VCAN: variants seen among roughly 807,000 people sequenced by gnomAD.
The protein encoded by VCAN is versican core protein.
In VCAN, 44 loss-of-function variants were observed where a neutral mutation model predicts 245.5. The observed-to-expected ratio is 0.18, with a 90% CI of 0.14 to 0.23. The LOEUF is 0.23. VCAN is among the 10% of genes least tolerant of loss of function. The pLI, the probability that VCAN is intolerant of heterozygous loss-of-function variation, is 1.00. For missense variants in VCAN, 3,793 were observed against 4,057.9 expected (o/e 0.93, Z 1.77); for synonymous variants, 1,413 against 1,437.0 (o/e 0.98, Z 0.38).
intron 5 of VCAN, among the ~76,000 whole-genome samples, chr5:83,508,135 C>T (rs984238667): frequency 6.6e-6 from 1 of 152,154 alleles, no homozygotes; most frequent in African/African-American, 2.4e-5. Flanking sequence ...TCACTTGCAG[C>T]CTTTGACATA....
intron 5 of VCAN, among the ~76,000 whole-genome samples, chr5:83,511,461 G>A (rs1425094374): frequency 6.6e-6 from 1 of 152,028 alleles, no homozygotes; most frequent in East Asian, 1.9e-4. Flanking sequence ...TGCAGGCCGC[G>A]ACCTTCGTAA....
At chr5:83,536,073 A>G (rs1746694260) in intron 7 of VCAN, 3 of 152,206 alleles carry the variant, frequency 2.0e-5, no homozygotes, top group South Asian at 4.1e-4. Context: ...AGAAAAGGCC[A>G]TTGAGCTTAG....
chr5:83,541,435 C>T lies in VCAN; in HGVS notation c.8432C>T (p.Thr2811Ile). 6.8e-6 allele frequency: 11 copies of T among 1,614,026 alleles called. No individual in the cohort carries two copies. The highest frequency in any genetic ancestry group is 9.3e-6 in the Non-Finnish European group (11 of 1,179,986). Reference protein sequence around the residue: ...GSNPPYYTDTTLAVSTFAKLS... With the variant: ...GSNPPYYTDTILAVSTFAKLS... ...AATCCCCCATATTACACTGATACAACATTAGCAGTTTCAACATTTGCGAAG... is the reference window on the plus strand; with the variant it reads ...AATCCCCCATATTACACTGATACAATATTAGCAGTTTCAACATTTGCGAAG... Residue 2811 changes from threonine to isoleucine, a missense_variant, in exon 8 of 15, where the codon ACA (threonine) becomes ATA (isoleucine). Transcript: ENST00000265077.
rs1289368575 is a variant in VCAN, at chr5:83,580,308, A to G, written c.10065A>G (p.Pro3355=). 1 of 1,613,830 alleles carries G rather than the reference A, an allele frequency of 6.2e-7. No homozygotes were observed. Among genetic ancestry groups the G allele is most frequent in the African/African-American group, 1.3e-5 (1 of 74,914 alleles). Residue 3355 remains proline, a splice_region_variant and synonymous_variant, in exon 15 of 15, where the codon CCA becomes CCG. Coordinates refer to ENST00000265077, the MANE Select transcript of VCAN (RefSeq NM_004385.5). ...TTTTCTTTCTTTCCTTCCATGTAGC[A>G]TCTGCATACCAAAGGACTTATTCTA... ...WAIPKITCMN[P]SAYQRTYSMK... is the part of the protein sequence containing the mutation.
chr5:83,510,066 G>T (rs927494014), intron 5 of VCAN, among the ~76,000 whole-genome samples: 1 of 152,158 alleles, frequency 6.6e-6, no homozygotes, highest in Non-Finnish European at 1.5e-5. Context: ...GAAGGGAGAC[G>T]TTGTGAGAGC....
intron 7 of VCAN, among the ~76,000 whole-genome samples, chr5:83,527,565 C>T (rs1746350583): frequency 6.6e-6 from 1 of 152,116 alleles, no homozygotes; most frequent in South Asian, 2.1e-4. Context: ...CTTAATGATT[C>T]TAAATTATCA....
At chr5:83,532,712 TA>T (rs201466418) in intron 7 of VCAN, among the ~76,000 whole-genome samples, 6 of 151,154 alleles carry the variant, frequency 4.0e-5, no homozygotes, top group African/African-American at 1.5e-4. Context: ...ACAACCTGTC[TA>T]AAAAAAAATT....
intron 13 of VCAN, among the ~76,000 whole-genome samples, chr5:83,576,176 A>G (rs1197481694): frequency 1.3e-5 from 2 of 151,672 alleles, no homozygotes; most frequent in African/African-American, 2.4e-5. Context: ...TCTCAATCCT[A>G]TCTATTTACT....
At chr5:83,482,737 G>A (rs1191373340) in intron 1 of VCAN, among the ~76,000 whole-genome samples, 3 of 152,124 alleles carry the variant, frequency 2.0e-5, no homozygotes, top group Non-Finnish European at 2.9e-5. Flanking sequence ...ATTGTTAAAT[G>A]TCTTTTCCAA....
intron 1 of VCAN, among the ~76,000 whole-genome samples, chr5:83,473,037 A>C (rs1414153324): frequency 1.3e-5 from 2 of 151,636 alleles, no homozygotes; most frequent in Middle Eastern, 3.2e-3. Flanking sequence ...CATATTCCCC[A>C]CCCTCTCCTA....
chr5:83,541,019 T>G lies in VCAN; in HGVS notation c.8016T>G (p.Thr2672=), dbSNP rs776687856. ...ATCACATGGGCTTTCACTTCACAAC[T>G]GGGATCCCTGCTCCTAGCACAGAAA... is the stretch of plus-strand genomic sequence containing the variant. ...QLDHMGFHFT[T]GIPAPSTETE... The change falls in exon 8 of 15, where the codon ACT becomes ACG. Residue 2672 remains threonine, a synonymous_variant. Coordinates refer to ENST00000265077, the MANE Select transcript of VCAN (RefSeq NM_004385.5). 2.5e-6 allele frequency: 4 copies of G among 1,613,900 alleles called. No homozygotes were observed. The African/African-American group carries it at 5.3e-5, about 22-fold the overall frequency.
At position 83,521,628 on chromosome 5, in the gene VCAN, G is replaced by A. The variant is rs1382239910; in HGVS notation, c.3322G>A (p.Ala1108Thr). The A allele has an allele frequency of 6.2e-7, 1 of 1,613,904 alleles. No homozygotes were observed. Among genetic ancestry groups the A allele is most frequent in the Non-Finnish European group, 8.5e-7 (1 of 1,180,026 alleles). ...TCACAGTGTGTCTTATCCACCAGGT[G>A]CTGTAACTGAGCACAAAGTGAAAAC... is the stretch of plus-strand genomic sequence containing the variant. ...IDHSVSYPPG[A>T]VTEHKVKTDE... The change falls in exon 7 of 15, where the codon GCT becomes ACT. Residue 1108 changes from alanine (A) to threonine (T), a missense_variant. By Grantham distance (58) the Ala-to-Thr change is moderately conservative. Transcript: ENST00000265077.
chr5:83,514,953 A>G (rs1279643067), intron 6 of VCAN, among the ~76,000 whole-genome samples: 1 of 152,196 alleles, frequency 6.6e-6, no homozygotes, highest in African/African-American at 2.4e-5. Context: ...AAATATAACC[A>G]TATTTTTCTT....
chr5:83,523,294 A>G (rs1156256741), intron 7 of VCAN, among the ~76,000 whole-genome samples: 1 of 152,180 alleles, frequency 6.6e-6, no homozygotes, highest in East Asian at 1.9e-4. Context: ...CTAGTTTAGA[A>G]ATTACGATCA....
intron 13 of VCAN, among the ~76,000 whole-genome samples, chr5:83,577,862 T>G (rs1222190903): frequency 6.6e-6 from 1 of 152,180 alleles, no homozygotes; most frequent in Non-Finnish European, 1.5e-5. Context: ...CTGGTCTATT[T>G]TCCTGTCCTT....
At chr5:83,496,357 T>A (rs1745161820) in intron 5 of VCAN, among the ~76,000 whole-genome samples, 1 of 152,248 alleles carries the variant, frequency 6.6e-6, no homozygotes, top group African/African-American at 2.4e-5. Flanking sequence ...TTATTTTGGA[T>A]AAATCTACAT....
At chr5:83,564,458 G>A (rs1747998398) in intron 12 of VCAN, among the ~76,000 whole-genome samples, 2 of 152,152 alleles carry the variant, frequency 1.3e-5, no homozygotes, top group South Asian at 4.1e-4. Flanking sequence ...ATGATACTGT[G>A]ATCCTGAAAG....
chr5:83,499,588 C>A (rs901867618), intron 5 of VCAN, among the ~76,000 whole-genome samples: 1 of 141,700 alleles, frequency 7.1e-6, no homozygotes, highest in Admixed American at 6.8e-5. Flanking sequence ...TTGTATTTCT[C>A]CTCTCACTCT....
At chr5:83,557,413 T>C (rs1747716274) in intron 12 of VCAN, among the ~76,000 whole-genome samples, 1 of 152,190 alleles carries the variant, frequency 6.6e-6, no homozygotes. Context: ...CCTTTATTCC[T>C]GTGTGCTTGG....
Sources: gnomAD v4.1 joint callset for allele counts (sites outside exome capture counted in the v4.1 genomes callset) on GRCh38, gnomAD v4.1.1 for gene constraint, MANE v1.5 for transcripts, NCBI Gene and HGNC (gene_info 2026-07-23, HGNC 2026-07-21) for gene names.